Variants in LAMA5 observed in about 807,000 individuals in gnomAD.
LAMA5 encodes laminin subunit alpha-5.
A neutral mutation model predicts 433.4 loss-of-function variants in LAMA5; 260 were observed. The ratio of observed to expected loss-of-function variants is 0.60; its 90% CI spans 0.54 to 0.66. The LOEUF (loss-of-function observed/expected upper bound fraction) is 0.66, where lower values mean the gene tolerates loss of function less well. Ranked by LOEUF, LAMA5 falls within the 30% of genes least tolerant of loss-of-function variation. The probability of loss-of-function intolerance (pLI) is 0.00; values close to 1 mark genes in which losing one functional copy is unlikely to be tolerated. For synonymous variants in LAMA5, 2,620 were observed against 2,226.6 expected, an observed-to-expected ratio of 1.18 and a Z score of -4.97; for missense variants, 5,378 against 5,258.5, an observed-to-expected ratio of 1.02 and a Z score of -0.70.
Position 62,324,179 on chromosome 20 carries a change from G to C in LAMA5, c.5669C>G (p.Ala1890Gly), listed in dbSNP as rs373504311. 6 of 1,573,212 alleles carry C rather than the reference G, an allele frequency of 3.8e-6. No homozygotes were observed. In the African/African-American group the frequency reaches 7.0e-5, roughly 18 times the overall value. ...CVDCQHNTEG[A>G]HCERCQAGFV... is the part of the protein sequence containing the mutation. ...GCCAGCCTGGCAGCGCTCACAGTGG[G>C]CCCCTTCGGTGTTGTGCTGGCAGTC... Residue 1890 changes from alanine to glycine, a missense_variant, in exon 43 of 80, where the codon GCC (alanine) becomes GGC (glycine). Coordinates refer to ENST00000252999, the MANE Select transcript of LAMA5 (RefSeq NM_005560.6). The surrounding 1 kb of genome is among the most constrained non-coding windows in gnomAD (Gnocchi z 4.4).
At chr20:62,334,476 G>A in intron 21 of LAMA5, 46 bp downstream of exon 21, 2 of 1,524,022 alleles carry the variant, frequency 1.3e-6, no homozygotes, top group Non-Finnish European at 1.8e-6. Flanking sequence ...CGGAGGACAA[G>A]CTGCCTGCCC....
rs1568899431 is a variant in LAMA5, at chr20:62,314,445, G to GGCAGT, written c.8368-10_8368-6dup. ...ACCCATGTAGTCCCCAGTGGCCTGC[G>GGCAGT]GCAGTGACAGACACACAGTCGGGAT... On this transcript the variant is annotated splice_polypyrimidine_tract_variant and splice_region_variant and intron_variant, in intron 61 of 79. Coordinates refer to ENST00000252999, the MANE Select transcript of LAMA5 (RefSeq NM_005560.6). 2 of 1,613,230 alleles carry GGCAGT rather than the reference G, an allele frequency of 1.2e-6. No individual in the cohort carries two copies. The highest frequency in any genetic ancestry group is 1.7e-6 in the Non-Finnish European group (2 of 1,179,878).
Position 62,324,368 on chromosome 20 carries a change from C to T in LAMA5, c.5643+73G>A. On this transcript the variant is annotated intron_variant, in intron 42 of 79. Transcript: ENST00000252999. This position sits in a 1 kb window ranked among gnomAD's most constrained non-coding sequence, Gnocchi z 4.4. Reference sequence around the variant, plus strand: ...CTCAGTTGACCTGGAAGTGCAGCCCCTGGTCTTCCCTGGCACACTTGACTG... The same window carrying T: ...CTCAGTTGACCTGGAAGTGCAGCCCTTGGTCTTCCCTGGCACACTTGACTG... 4.2e-6 allele frequency: 6 copies of T among 1,437,238 alleles called. No individual in the cohort carries two copies. In the South Asian group the frequency reaches 6.0e-5, roughly 14 times the overall value. The allele number at this position is 1,437,238 out of a possible 1,614,324, so 89.0% of individuals were successfully genotyped here.
Position 62,309,260 on chromosome 20 carries a change from A to T in LAMA5, c.*76T>A. 7.1e-7 allele frequency: 1 copy of T among 1,412,420 alleles called. No homozygotes were observed. The highest frequency in any genetic ancestry group is 9.6e-7 in the Non-Finnish European group (1 of 1,044,420). The allele number at this position is 1,412,420 out of a possible 1,614,324, so 87.5% of individuals were successfully genotyped here. On this transcript the variant is annotated 3_prime_UTR_variant, in exon 80 of 80. Transcript: ENST00000252999. ...CCCGTAGAGCTTAGAGTCCAAATAG[A>T]CACCTATGAGGCGAGCACAAGGGGC...
Position 62,314,312 on chromosome 20 carries a change from G to C in LAMA5, c.8496C>G (p.Ser2832Arg), listed in dbSNP as rs769201422. The change falls in exon 62 of 80, where the codon AGC becomes AGG. Residue 2832 changes from serine to arginine, a missense_variant. Physicochemically the swap from Ser to Arg is moderately radical, Grantham distance 110. Transcript: ENST00000252999. ...TCTCCTGGGCCTCCCACCTGTCCAGGCTGACAGCTGCGAACTGCTCCCCAA... is the reference window on the plus strand; with the variant it reads ...TCTCCTGGGCCTCCCACCTGTCCAGCCTGACAGCTGCGAACTGCTCCCCAA... The part of the protein sequence containing the change: ...EDIGEQFAAV[S>R]LDRTLQFGHM... 1 of 1,612,948 alleles carries C rather than the reference G, an allele frequency of 6.2e-7. No individual in the cohort carries two copies. Among genetic ancestry groups the C allele is most frequent in the Non-Finnish European group, 8.5e-7 (1 of 1,179,820 alleles).
rs1986684055 is a variant in LAMA5 at position 62,314,237 on chromosome 20, G to A, written c.8504+67C>T. ...AGGGTGGTGGGTGCACACGGAGAGG[G>A]GAGAGATGGCGAACGGGCAAGGGCC... On this transcript the variant is annotated intron_variant, in intron 62 of 79. Transcript: ENST00000252999. The A allele has an allele frequency of 9.6e-6, 15 of 1,556,376 alleles. No homozygotes were observed. In the South Asian group the frequency reaches 1.7e-4, roughly 17 times the overall value.
At chr20:62,340,305 G>GTTTTTTTTT (rs34415039) in intron 11 of LAMA5, among the ~76,000 whole-genome samples, 1 of 99,462 alleles carries the variant, frequency 1.0e-5, no homozygotes, top group African/African-American at 3.8e-5. Flanking sequence ...AGCCTCCTTT[G>GTTTTTTTTT]TTTTTTTTTT....
intron 17 of LAMA5, 143 bp downstream of exon 17, chr20:62,336,591 G>A (rs1601367672): frequency 1.7e-6 from 2 of 1,175,502 alleles, no homozygotes; most frequent in East Asian, 2.4e-5. Context: ...GGGGGCAGAG[G>A]ACCAGCCTAA....
chr20:62,355,635 A>G (rs1287917143), intron 2 of LAMA5, among the ~76,000 whole-genome samples: 6 of 152,050 alleles, frequency 3.9e-5, no homozygotes, highest in African/African-American at 1.4e-4. Context: ...CTCTGAGGTC[A>G]TCGTCTACCT....
chr20:62,354,440 C>G (rs1339231972), intron 2 of LAMA5, among the ~76,000 whole-genome samples: 2 of 151,260 alleles, frequency 1.3e-5, no homozygotes, highest in South Asian at 2.1e-4. Context: ...AGCCTCATAT[C>G]TGCACCCACC....
chr20:62,352,020 C>T lies in LAMA5; in HGVS notation c.747G>A (p.Leu249=), dbSNP rs150404569. Reference sequence around the variant, plus strand: ...TGGTGGCCTTGGTGAACTCACGTAGCAGCGGCGAGTAGGAGAAATTCATGG... The same window carrying T: ...TGGTGGCCTTGGTGAACTCACGTAGTAGCGGCGAGTAGGAGAAATTCATGG... The part of the protein sequence containing the change: ...PGAMNFSYSP[L]LREFTKATNV... Residue 249 remains leucine (L), a synonymous_variant, in exon 5 of 80, where the codon CTG becomes CTA. Coordinates refer to ENST00000252999, the MANE Select transcript of LAMA5 (RefSeq NM_005560.6). 1 of 1,612,586 alleles carries T rather than the reference C, an allele frequency of 6.2e-7. No individual in the cohort carries two copies. The highest frequency in any genetic ancestry group is 1.3e-5 in the African/African-American group (1 of 74,950).
At chr20:62,352,883 C>T in intron 3 of LAMA5, 1 of 473,586 alleles carries the variant, frequency 2.1e-6, no homozygotes, top group South Asian at 2.9e-5. Context: ...TGAAGCCATC[C>T]AGAGGCAGCC....
chr20:62,309,384 A>T lies in LAMA5; in HGVS notation c.11040T>A (p.Ser3680=), dbSNP rs895372826. 2 of 1,590,478 alleles carry T rather than the reference A, an allele frequency of 1.3e-6. No individual in the cohort carries two copies. The highest frequency in any genetic ancestry group is 1.7e-6 in the Non-Finnish European group (2 of 1,176,694). Residue 3680 remains serine (S), a synonymous_variant, in exon 80 of 80, where the codon TCT becomes TCA. Transcript: ENST00000252999. The stretch of plus-strand genomic sequence containing the variant: ...CCCCCACTGCCCCGTGGACCTCCAC[A>T]GAGCGAGTCATGGCGACGGGGGACC... ...VNRSPVAMTR[S]VEVHGAVGAS... is the part of the protein sequence containing the mutation.
At chr20:62,309,966 C>T in intron 78 of LAMA5, 22 bp downstream of exon 78, 1 of 1,607,794 alleles carries the variant, frequency 6.2e-7, no homozygotes, top group Non-Finnish European at 8.5e-7. Context: ...GCAGAGTGCC[C>T]TGGCCACAGG....
chr20:62,316,627 A>G, intron 57 of LAMA5, 44 bp downstream of exon 57: 2 of 1,431,118 alleles, frequency 1.4e-6, no homozygotes, highest in Non-Finnish European at 1.9e-6. Context: ...GGGAGCTCAG[A>G]TGCCCAGCAG....
At chr20:62,320,692 G>A (rs1446094724) in intron 49 of LAMA5, 23 bp from the exon 50 acceptor site, 2 of 1,611,890 alleles carry the variant, frequency 1.2e-6, no homozygotes, top group Non-Finnish European at 1.7e-6. Flanking sequence ...AAAGGTGAAG[G>A]CCTGCACTGG....
At chr20:62,351,386 C>G (rs576780146) in intron 6 of LAMA5, 152 of 512,158 alleles carry the variant, frequency 3.0e-4, no homozygotes, top group African/African-American at 2.8e-3. Context: ...CACAGGGCCC[C>G]AGGTGTCCAC....
At chr20:62,365,191 G>A (rs553970101) in intron 1 of LAMA5, among the ~76,000 whole-genome samples, 1 of 152,362 alleles carries the variant, frequency 6.6e-6, no homozygotes, top group South Asian at 2.1e-4. Context: ...AGCTGGGCGA[G>A]GCCGGCTGGT....
chr20:62,339,954 G>A (rs922907514), intron 11 of LAMA5, among the ~76,000 whole-genome samples: 3 of 152,188 alleles, frequency 2.0e-5, no homozygotes, highest in African/African-American at 4.8e-5. Context: ...TTGAAAGAGC[G>A]TACCTTAAAC....
Sources: gnomAD v4.1 joint callset for allele counts (sites outside exome capture counted in the v4.1 genomes callset) on GRCh38, gnomAD v4.1.1 for gene constraint, Gnocchi (gnomAD v3.1) non-coding constraint, MANE v1.5 for transcripts, NCBI Gene and HGNC (gene_info 2026-07-23, HGNC 2026-07-21) for gene names.